The following ZNF804A variants were observed in gnomAD, a reference collection of about 807,000 sequenced individuals.
ZNF804A encodes the protein zinc finger protein 804A.
Under a neutral mutation model 16.5 loss-of-function variants are expected in ZNF804A, and 2 were observed. The observed-to-expected ratio is 0.12, with a 90% CI of 0.05 to 0.38. The LOEUF is 0.38. Ranked by LOEUF, ZNF804A falls within the 10% of genes least tolerant of loss-of-function variation. ZNF804A has a pLI of 0.99. For synonymous variants in ZNF804A, 534 were observed against 489.6 expected (o/e 1.09, Z -1.20); for missense variants, 1,473 against 1,390.7 (o/e 1.06, Z -0.94).
In ZNF804A at chr2:184,936,599, T is replaced by C. The variant is rs1317121848; in HGVS notation, c.1203T>C (p.Pro401=). Residue 401 remains proline, a synonymous_variant, in exon 4 of 4, where the codon CCT becomes CCC. Coordinates refer to ENST00000302277, the MANE Select transcript of ZNF804A (RefSeq NM_194250.2). ...ENKNGPETLA[P]SNTEEVNITI... The stretch of plus-strand genomic sequence containing the variant: ...AAAATGGTCCCGAGACATTGGCCCC[T>C]TCAAATACTGAAGAGGTTAACATAA... 2.5e-6 allele frequency: 4 copies of C among 1,614,052 alleles called. No individual in the cohort carries two copies. Among genetic ancestry groups the C allele is most frequent in the Non-Finnish European group, 3.4e-6 (4 of 1,179,946 alleles).
intron 1 of ZNF804A, among the ~76,000 whole-genome samples, chr2:184,758,902 T>C (rs1693999412): frequency 6.6e-6 from 1 of 151,950 alleles, no homozygotes; most frequent in Non-Finnish European, 1.5e-5. Flanking sequence ...ATATCTATGC[T>C]TGTTTACATT....
chr2:184,700,198 C>T (rs1349753464), intron 1 of ZNF804A, among the ~76,000 whole-genome samples: 1 of 152,052 alleles, frequency 6.6e-6, no homozygotes, highest in African/African-American at 2.4e-5. Context: ...AAAGTGTTTT[C>T]AAGCATTTTT....
intron 1 of ZNF804A, among the ~76,000 whole-genome samples, chr2:184,760,225 C>T (rs962895258): frequency 1.3e-5 from 2 of 151,974 alleles, no homozygotes; most frequent in Non-Finnish European, 2.9e-5. Flanking sequence ...ACAATTATGC[C>T]TTATGCAAAA....
intron 1 of ZNF804A, among the ~76,000 whole-genome samples, chr2:184,859,928 G>A (rs925323407): frequency 1.3e-5 from 2 of 152,220 alleles, no homozygotes; most frequent in African/African-American, 2.4e-5. Flanking sequence ...GGTGGGCCAT[G>A]AGCCTGAGTC....
intron 2 of ZNF804A, among the ~76,000 whole-genome samples, chr2:184,919,680 T>C (rs1685500737): frequency 6.6e-6 from 1 of 152,192 alleles, no homozygotes; most frequent in Non-Finnish European, 1.5e-5. Flanking sequence ...AGCCAACCCA[T>C]TGGCCACAGC....
rs760040452 is a variant in ZNF804A, at chr2:184,937,111, C to G, written c.1715C>G (p.Thr572Ser). The G allele has an allele frequency of 1.0e-4, 167 of 1,604,332 alleles. No homozygotes were observed. The highest frequency in any genetic ancestry group is 1.3e-4 in the Non-Finnish European group (152 of 1,177,644). Reference protein sequence around the residue: ...NFTKSQIKQDTLDEKYNKIRL... With the variant: ...NFTKSQIKQDSLDEKYNKIRL... ...ACTAAAAGTCAAATAAAACAGGACA[C>G]TCTAGATGAAAAATACAACAAAATA... Residue 572 changes from threonine to serine, a missense_variant, in exon 4 of 4, where the codon ACT becomes AGT. By Grantham distance (58) the Thr-to-Ser change is moderately conservative. Coordinates refer to ENST00000302277, the MANE Select transcript of ZNF804A (RefSeq NM_194250.2).
intron 1 of ZNF804A, among the ~76,000 whole-genome samples, chr2:184,748,068 T>C (rs941348402): frequency 1.3e-5 from 2 of 151,498 alleles, no homozygotes; most frequent in Non-Finnish European, 3.0e-5. Context: ...TCCATGTCTT[T>C]GCTATTGTAA....
At chr2:184,654,601 T>C (rs1202504585) in intron 1 of ZNF804A, among the ~76,000 whole-genome samples, 1 of 152,152 alleles carries the variant, frequency 6.6e-6, no homozygotes, top group Non-Finnish European at 1.5e-5. Context: ...TAAGGAAATC[T>C]AGAGAGGCAG....
chr2:184,720,432 A>G (rs1313954710), intron 1 of ZNF804A, among the ~76,000 whole-genome samples: 1 of 152,178 alleles, frequency 6.6e-6, no homozygotes, highest in Non-Finnish European at 1.5e-5. Flanking sequence ...AAATCAACAT[A>G]CAAAAACCAG....
intron 1 of ZNF804A, among the ~76,000 whole-genome samples, chr2:184,853,263 TTA>T (rs1463298785): frequency 5.3e-5 from 8 of 151,954 alleles, no homozygotes; most frequent in African/African-American, 9.7e-5. Flanking sequence ...TAGTGATTTT[TTA>T]TATGTTGATT....
chr2:184,912,827 A>T (rs1223860361), intron 2 of ZNF804A, among the ~76,000 whole-genome samples: 2 of 152,058 alleles, frequency 1.3e-5, no homozygotes, highest in Non-Finnish European at 2.9e-5. Context: ...TATTCTGGAT[A>T]CTTGGCCTTT....
chr2:184,624,419 A>T (rs568451832), intron 1 of ZNF804A, among the ~76,000 whole-genome samples: 1 of 152,138 alleles, frequency 6.6e-6, no homozygotes, highest in Non-Finnish European at 1.5e-5. Flanking sequence ...CTGAATTCCA[A>T]TACTCCCATG....
At chr2:184,931,896 C>T (rs1157388911) in intron 2 of ZNF804A, among the ~76,000 whole-genome samples, 2 of 152,168 alleles carry the variant, frequency 1.3e-5, no homozygotes, top group Admixed American at 6.5e-5. Context: ...CCCTAACTCA[C>T]CTCTTGCATG....
intron 2 of ZNF804A, among the ~76,000 whole-genome samples, chr2:184,919,478 C>T (rs962050670): frequency 1.3e-5 from 2 of 152,172 alleles, no homozygotes; most frequent in Admixed American, 6.5e-5. Context: ...GGCAGTGACA[C>T]AGGCAGCCGG....
intron 1 of ZNF804A, among the ~76,000 whole-genome samples, chr2:184,635,121 A>C (rs542883094): frequency 2.6e-4 from 40 of 152,276 alleles, no homozygotes; most frequent in African/African-American, 9.4e-4. Context: ...ACTTTCACAA[A>C]GACCTAAGCT....
chr2:184,629,879 G>C (rs920511405), intron 1 of ZNF804A, among the ~76,000 whole-genome samples: 1 of 152,146 alleles, frequency 6.6e-6, no homozygotes, highest in Non-Finnish European at 1.5e-5. Context: ...ATTAGGCTGA[G>C]TGCTGGGGAT....
At chr2:184,607,588 C>G (rs1180323575) in intron 1 of ZNF804A, among the ~76,000 whole-genome samples, 1 of 152,042 alleles carries the variant, frequency 6.6e-6, no homozygotes, top group Admixed American at 6.6e-5. Flanking sequence ...CAGGTCCCCC[C>G]CTTCCACCCC....
At chr2:184,603,104 G>T (rs1357576350) in intron 1 of ZNF804A, among the ~76,000 whole-genome samples, 1 of 152,050 alleles carries the variant, frequency 6.6e-6, no homozygotes, top group Non-Finnish European at 1.5e-5. Flanking sequence ...TCTAATATAT[G>T]AAATACTATG....
intron 2 of ZNF804A, among the ~76,000 whole-genome samples, chr2:184,874,484 T>A (rs192290030): frequency 9.2e-5 from 14 of 152,232 alleles, no homozygotes; most frequent in Non-Finnish European, 1.8e-4. Flanking sequence ...GCTGTCTTAA[T>A]TTCAGGGAAA....
Sources: gnomAD v4.1 joint callset for allele counts (sites outside exome capture counted in the v4.1 genomes callset) on GRCh38, gnomAD v4.1.1 for gene constraint, MANE v1.5 for transcripts, NCBI Gene and HGNC (gene_info 2026-07-23, HGNC 2026-07-21) for gene names.